SLC45A2: variants seen among roughly 807,000 people sequenced by gnomAD.
The protein encoded by SLC45A2 is solute carrier family 45 member 2, also known as membrane-associated transporter protein.
SLC45A2 carries 36 observed loss-of-function variants against 45.5 expected under a neutral mutation model. The ratio of observed to expected loss-of-function variants is 0.79; its 90% confidence interval spans 0.61 to 1.04. The LOEUF is 1.04. SLC45A2 is among the 50% of genes least tolerant of loss of function. The pLI is 0.00. For missense variants in SLC45A2, 719 were observed against 671.0 expected (o/e 1.07, Z -0.79); for synonymous variants, 306 against 269.3 (o/e 1.14, Z -1.33).
At chr5:33,969,065 C>CTCTCTCTCTCTGTCTCTCTGTGTGTG in intron 2 of SLC45A2, among the ~76,000 whole-genome samples, 1 of 102,392 alleles carries the variant, frequency 9.8e-6, no homozygotes, top group African/African-American at 3.7e-5. Flanking sequence ...CTCTCTCTCT[C>CTCTCTCTCTCTGTCTCTCTGTGTGTG]TGTGTGTGTG....
intron 2 of SLC45A2, among the ~76,000 whole-genome samples, chr5:33,964,616 A>G (rs891927629): frequency 2.0e-5 from 3 of 152,186 alleles, no homozygotes; most frequent in Non-Finnish European, 2.9e-5. Context: ...TAATGAGAAC[A>G]AAAGTTTAAA....
chr5:33,971,248 T>C (rs1752769178), intron 2 of SLC45A2: 1 of 530,952 alleles, frequency 1.9e-6, no homozygotes. Context: ...TCCTGGGATG[T>C]TTCTTATTCT....
intron 3 of SLC45A2, among the ~76,000 whole-genome samples, chr5:33,963,111 C>T (rs548963251): frequency 4.4e-4 from 67 of 152,284 alleles, no homozygotes; most frequent in African/African-American, 1.3e-3. Flanking sequence ...AATAGCCCCA[C>T]GGGATTATTA....
At chr5:33,944,896 C>G in intron 6 of SLC45A2, 24 bp from the exon 7 acceptor site, 1 of 1,596,030 alleles carries the variant, frequency 6.3e-7, no homozygotes, top group Non-Finnish European at 8.5e-7. Context: ...ACAGAACCAC[C>G]ATTTGACCTA....
chr5:33,956,394 A>G (rs1189138852), intron 3 of SLC45A2, among the ~76,000 whole-genome samples: 3 of 152,154 alleles, frequency 2.0e-5, no homozygotes, highest in Non-Finnish European at 2.9e-5. Flanking sequence ...GGCTACCGAG[A>G]GGTAGAATTG....
chr5:33,950,068 G>C (rs994308448), intron 5 of SLC45A2, among the ~76,000 whole-genome samples: 7 of 152,084 alleles, frequency 4.6e-5, no homozygotes, highest in African/African-American at 1.4e-4. Context: ...ACAGTGGCAT[G>C]TGCTTGTGGT....
rs1752039698 is a variant in SLC45A2 at position 33,949,684 on chromosome 5, A to C, written c.1156+1870T>G. Among the ~76,000 whole-genome samples, 2 of 152,228 alleles carry C rather than the reference A, an allele frequency of 1.3e-5. 1 individual carries two copies. The highest frequency in any genetic ancestry group is 4.1e-4 in the South Asian group (2 of 4,830). ...GAATTAACAATGGTAGGGATCCCAT[A>C]GATTTATACATTAATAAAACTTTGG... is the stretch of plus-strand genomic sequence containing the variant. On this transcript the variant is annotated intron_variant, in intron 5 of 6. Coordinates refer to ENST00000296589, the MANE Select transcript of SLC45A2 (RefSeq NM_016180.5).
At chr5:33,959,963 A>G (rs1393373800) in intron 3 of SLC45A2, among the ~76,000 whole-genome samples, 5 of 152,322 alleles carry the variant, frequency 3.3e-5, no homozygotes. Context: ...ATACAAAAAA[A>G]TGAGGTTTTC....
In SLC45A2 at chr5:33,963,975, A is replaced by T; in HGVS notation, c.604T>A (p.Trp202Arg). ...AGTCTTCCCAGCTCCAGATGGGCCC[A>T]GTCTATAGCACCCAAAAGGTAACCC... ...ALGYLLGAID[W>R]AHLELGRLLG... is the part of the protein sequence containing the mutation. The change falls in exon 3 of 7, where the codon TGG (tryptophan) becomes AGG (arginine). Residue 202 changes from tryptophan (W) to arginine (R), a missense_variant. Coordinates refer to ENST00000296589, the MANE Select transcript of SLC45A2 (RefSeq NM_016180.5). 6.2e-7 allele frequency: 1 copy of T among 1,614,098 alleles called. No individual in the cohort carries two copies. The highest frequency in any genetic ancestry group is 8.5e-7 in the Non-Finnish European group (1 of 1,179,940).
At position 33,983,769 on chromosome 5, in the gene SLC45A2, T is replaced by G. The variant is rs570795617; in HGVS notation, c.385+430A>C. On this transcript the variant is annotated intron_variant, in intron 1 of 6. Transcript: ENST00000296589. ...TATTAAAACGCTCTACATAAAACTA[T>G]GAACAGAATTAACTTATTTGGATAC... Among the ~76,000 whole-genome samples the G allele has an allele frequency of 2.0e-5, 3 of 152,306 alleles. No individual in the cohort carries two copies. The South Asian group carries it at 6.2e-4, about 32-fold the overall frequency.
At position 33,984,101 on chromosome 5, in the gene SLC45A2, A is replaced by C. The variant is rs181198041; in HGVS notation, c.385+98T>G. On this transcript the variant is annotated intron_variant, in intron 1 of 6. Coordinates refer to ENST00000296589, the MANE Select transcript of SLC45A2 (RefSeq NM_016180.5). ...AACCTAGGAGAGATCAATTCTAACA[A>C]ATTTCTAGGAAAGGTCAAACACATG... 1.8e-4 allele frequency: 275 copies of C among 1,562,212 alleles called. 6 individuals are homozygous for C. The Admixed American group carries it at 4.5e-3, about 26-fold the overall frequency.
rs543566652 is a variant in SLC45A2 at position 33,959,709 on chromosome 5, C to T, written c.888+3982G>A. On this transcript the variant is annotated intron_variant, in intron 3 of 6. Transcript: ENST00000296589. ...GAGGCAGGTTGATGCGCTGTGGCAA[C>T]TCAACTTGAAGGCAGTCATGTTTAT... Among the ~76,000 whole-genome samples, 35 of 152,292 alleles carry T rather than the reference C, an allele frequency of 2.3e-4. 3 individuals are homozygous for T. In the South Asian group the frequency reaches 7.3e-3, roughly 32 times the overall value.
At chr5:33,964,051 G>A in intron 2 of SLC45A2, 35 bp from the exon 3 acceptor site, 1 of 1,603,648 alleles carries the variant, frequency 6.2e-7, no homozygotes, top group South Asian at 1.1e-5. Context: ...AGCATATTTA[G>A]CAAATTATCG....
At position 33,975,968 on chromosome 5, in the gene SLC45A2, C is replaced by T. The variant is rs151160527; in HGVS notation, c.562+6268G>A. On this transcript the variant is annotated intron_variant, in intron 2 of 6. Transcript: ENST00000296589. Reference sequence around the variant, plus strand: ...CTATGGACCCGTAGCAATTGTCTTGCATCCAGGAGGCAATACATCCTTAAA... The same window carrying T: ...CTATGGACCCGTAGCAATTGTCTTGTATCCAGGAGGCAATACATCCTTAAA... Among the ~76,000 whole-genome samples the T allele has an allele frequency of 3.2e-3, 486 of 152,288 alleles. 4 individuals carry two copies. The highest frequency in any genetic ancestry group is 0.011 in the African/African-American group (456 of 41,544).
At chr5:33,971,500 G>A (rs779906093) in intron 2 of SLC45A2, 23 of 326,298 alleles carry the variant, frequency 7.0e-5, no homozygotes, top group Non-Finnish European at 1.1e-4. Context: ...GTGCAGTACT[G>A]TGGTCTTGGC....
intron 3 of SLC45A2, among the ~76,000 whole-genome samples, chr5:33,957,716 A>T (rs1241187370): frequency 6.6e-6 from 1 of 152,198 alleles, no homozygotes; most frequent in African/African-American, 2.4e-5. Context: ...ATGGTTTGTC[A>T]TCACTTTCCT....
chr5:33,947,842 C>A (rs1221233330), intron 5 of SLC45A2, among the ~76,000 whole-genome samples: 4 of 152,202 alleles, frequency 2.6e-5, no homozygotes, highest in African/African-American at 9.7e-5. Context: ...ACAGAATGAT[C>A]TAAGTCATTC....
rs1348933100 is a variant in SLC45A2, at chr5:33,952,705, T to A, written c.1033-1028A>T. Among the ~76,000 whole-genome samples, 72 of 88,002 alleles carry A rather than the reference T, an allele frequency of 8.2e-4. No homozygotes were observed. The East Asian group carries it at 0.014, about 18-fold the overall frequency. The allele number at this position is 88,002 out of a possible 152,430, so 57.7% of individuals were successfully genotyped here. On this transcript the variant is annotated intron_variant, in intron 4 of 6. Transcript: ENST00000296589. ...TTTTTTTTTTTAATTTTTTTTTTTTTATTATACTCTAAGTTTTAGGGTACA... is the reference window on the plus strand; with the variant it reads ...TTTTTTTTTTTAATTTTTTTTTTTTAATTATACTCTAAGTTTTAGGGTACA...
chr5:33,964,596 G>A (rs1261357785), intron 2 of SLC45A2, among the ~76,000 whole-genome samples: 1 of 152,090 alleles, frequency 6.6e-6, no homozygotes, highest in African/African-American at 2.4e-5. Flanking sequence ...TGATAGCTGG[G>A]AACAGGAAAT....
Sources: allele counts gnomAD v4.1 joint callset (sites outside exome capture counted in the v4.1 genomes callset), GRCh38; gene constraint gnomAD v4.1.1; transcripts MANE v1.5; gene names NCBI Gene and HGNC (gene_info 2026-07-23, HGNC 2026-07-21).